ADGRG2: variants seen among roughly 807,000 people sequenced by gnomAD.
The protein encoded by ADGRG2 is G protein-coupled receptor 64.
ADGRG2 carries 26 observed loss-of-function variants against 74.1 expected under a neutral mutation model. The observed-to-expected ratio is 0.35, with a 90% CI of 0.26 to 0.49. The LOEUF (loss-of-function observed/expected upper bound fraction) is 0.49. Ranked by LOEUF, ADGRG2 falls within the 20% of genes least tolerant of loss-of-function variation. The probability of loss-of-function intolerance (pLI) is 0.99; values close to 1 mark genes in which losing one functional copy is unlikely to be tolerated. For missense variants in ADGRG2, 619 were observed against 763.1 expected (o/e 0.81, Z 2.22); for synonymous variants, 296 against 295.2 (o/e 1.00, Z -0.03).
chrX:19,071,699 T>C (rs1464079653), intron 2 of ADGRG2, among the ~76,000 whole-genome samples: 2 of 111,402 alleles, frequency 1.8e-5, no homozygotes, highest in Non-Finnish European at 3.8e-5. Context: ...GCCAATTACA[T>C]GGGTGTGTTC....
intron 15 of ADGRG2, among the ~76,000 whole-genome samples, chrX:19,017,974 C>T (rs2060502347): frequency 9.0e-6 from 1 of 111,585 alleles, no homozygotes; most frequent in Non-Finnish European, 1.9e-5. Flanking sequence ...TATGTATACA[C>T]CTGTGGTCAC....
intron 1 of ADGRG2, among the ~76,000 whole-genome samples, chrX:19,118,517 C>T (rs2062562710): frequency 8.9e-6 from 1 of 111,890 alleles, no homozygotes; most frequent in Non-Finnish European, 1.9e-5. Context: ...TCCTGAGTAG[C>T]AAGGACTACA....
chrX:19,121,156 T>C (rs998339673), intron 1 of ADGRG2, among the ~76,000 whole-genome samples: 5 of 111,912 alleles, frequency 4.5e-5, no homozygotes, highest in Non-Finnish European at 7.5e-5. Context: ...CAGACCATTT[T>C]TGCTGGCCAA....
In ADGRG2 at chrX:18,995,092, A is replaced by C. The variant is rs777730367; in HGVS notation, c.2717-44T>G. The C allele has an allele frequency of 3.9e-5, 39 of 1,011,276 alleles. 1 individual carries two copies. The highest frequency in any genetic ancestry group is 5.2e-5 in the Non-Finnish European group (38 of 734,217). The allele number at this position is 1,011,276 out of a possible 1,213,427, so 83.3% of individuals were successfully genotyped here. A position where few individuals can be genotyped will look rare whatever the true frequency, so the allele number is the denominator to read the frequency against. ...TACAGAAAAACAGGGCAGTATGTTG[A>C]AGCTCAAACGCAAGAGACAGATCAC... On this transcript the variant is annotated intron_variant, in intron 27 of 28. Transcript: ENST00000379869.
intron 3 of ADGRG2, among the ~76,000 whole-genome samples, chrX:19,068,144 G>A (rs757237515): frequency 8.9e-6 from 1 of 111,752 alleles, no homozygotes; most frequent in Admixed American, 9.5e-5. Flanking sequence ...AATGAAAGCA[G>A]GGACTCAAAT....
chrX:19,009,909 C>G, intron 17 of ADGRG2, 127 bp from the exon 18 acceptor site: 1 of 471,976 alleles, frequency 2.1e-6, no homozygotes, highest in Middle Eastern at 6.4e-4. Flanking sequence ...CTCCTGGGTT[C>G]AAGCAATTCT....
intron 3 of ADGRG2, among the ~76,000 whole-genome samples, chrX:19,045,323 T>TATTATTATTATTATTA (rs56138378): frequency 1.9e-5 from 2 of 107,190 alleles, no homozygotes; most frequent in Non-Finnish European, 3.8e-5. Flanking sequence ...TTATTATTAT[T>TATTATTATTATTATTA]TTGAGACAGA....
intron 3 of ADGRG2, among the ~76,000 whole-genome samples, chrX:19,061,067 G>A (rs1196735119): frequency 8.9e-6 from 1 of 111,782 alleles, no homozygotes; most frequent in Non-Finnish European, 1.9e-5. Context: ...GAATCTTAAC[G>A]GGGAATCAGT....
At chrX:19,093,220 A>G (rs1044373377) in intron 1 of ADGRG2, among the ~76,000 whole-genome samples, 2 of 111,786 alleles carry the variant, frequency 1.8e-5, no homozygotes, top group African/African-American at 6.5e-5. Context: ...ACTGATTTCA[A>G]TCGGGCTTTT....
Position 19,021,141 on chromosome X carries a change from T to C in ADGRG2, c.606A>G (p.Val202=), listed in dbSNP as rs1424457592. The C allele has an allele frequency of 2.6e-6, 3 of 1,132,942 alleles. No individual in the cohort carries two copies. In the South Asian group the frequency reaches 5.5e-5, roughly 21 times the overall value. 93.4% of individuals were successfully genotyped at this position (1,132,942 alleles called of 1,213,427 possible). The change falls in exon 14 of 29, where the codon GTA becomes GTG. Residue 202 remains valine, a synonymous_variant. Transcript: ENST00000379869. The part of the protein sequence containing the change: ...KLNNTMNACA[V]IAALERVKIR... Reference sequence around the variant, plus strand: ...TCTTTACTCTTTCCAAAGCAGCTATTACAGCACATGCATTCATTGTATTAT... The same window carrying C: ...TCTTTACTCTTTCCAAAGCAGCTATCACAGCACATGCATTCATTGTATTAT...
chrX:19,111,533 C>T (rs936401361), intron 1 of ADGRG2, among the ~76,000 whole-genome samples: 9 of 111,892 alleles, frequency 8.0e-5, no homozygotes, highest in Non-Finnish European at 1.5e-4. Flanking sequence ...GAGGGAATGA[C>T]TGTCAAATGC....
At chrX:19,105,884 C>T (rs189135025) in intron 1 of ADGRG2, among the ~76,000 whole-genome samples, 129 of 94,089 alleles carry the variant, frequency 1.4e-3, no homozygotes, top group African/African-American at 5.0e-3. Context: ...GCCAAGATCG[C>T]ACCACTGCAC....
chrX:19,074,085 A>G (rs2061694990), intron 2 of ADGRG2, among the ~76,000 whole-genome samples: 1 of 111,263 alleles, frequency 9.0e-6, no homozygotes, highest in Non-Finnish European at 1.9e-5. Context: ...CTATTTGAAC[A>G]CTGCTCAATG....
chrX:19,023,936 G>A lies in ADGRG2; in HGVS notation c.483C>T (p.Leu161=). 8.4e-7 allele frequency: 1 copy of A among 1,183,843 alleles called. No individual in the cohort carries two copies. The highest frequency in any genetic ancestry group is 1.1e-6 in the Non-Finnish European group (1 of 870,682). Residue 161 remains leucine (L), a synonymous_variant, in exon 12 of 29, where the codon CTC becomes CTT. Coordinates refer to ENST00000379869, the MANE Select transcript of ADGRG2 (RefSeq NM_001079858.3). ...CACTTAGGGTTTGCAGGGTTTTGTT[G>A]AGCTCTGAGCGTCTGTAATAAAATG... ...LSLSELKRSE[L]NKTLQTLSET...
chrX:19,117,490 A>G (rs751330838), intron 1 of ADGRG2, among the ~76,000 whole-genome samples: 6 of 110,355 alleles, frequency 5.4e-5, no homozygotes, highest in African/African-American at 2.0e-4. Context: ...ACATTATTAA[A>G]AAAACCTCCA....
intron 3 of ADGRG2, among the ~76,000 whole-genome samples, chrX:19,052,095 G>A (rs1428586053): frequency 8.9e-6 from 1 of 111,741 alleles, no homozygotes; most frequent in Non-Finnish European, 1.9e-5. Context: ...CCTCACAATA[G>A]CCCTACAATA....
chrX:19,003,191 G>T, intron 23 of ADGRG2, 77 bp from the exon 24 acceptor site: 2 of 735,305 alleles, frequency 2.7e-6, no homozygotes, highest in Non-Finnish European at 4.1e-6. Flanking sequence ...TTAAGATAAG[G>T]TCTGGCTCTG....
chrX:19,032,863 C>G (rs764585661), intron 8 of ADGRG2: 2 of 111,963 alleles, frequency 1.8e-5, no homozygotes, highest in Admixed American at 1.9e-4. Context: ...GAAATCAAGC[C>G]TTTGTCAAGC....
intron 23 of ADGRG2, 133 bp from the exon 24 acceptor site, chrX:19,003,247 C>T (rs2060165762): frequency 2.1e-6 from 1 of 476,357 alleles, no homozygotes; most frequent in South Asian, 3.4e-5. Flanking sequence ...TCACTGCAAC[C>T]TCTGCCTCCT....
Sources: allele counts gnomAD v4.1 joint callset (sites outside exome capture counted in the v4.1 genomes callset), GRCh38; gene constraint gnomAD v4.1.1; transcripts MANE v1.5; gene names NCBI Gene and HGNC (gene_info 2026-07-23, HGNC 2026-07-21).